The following ARID5B variants were observed in gnomAD, a reference collection of about 807,000 sequenced individuals.
The protein encoded by ARID5B is AT-rich interaction domain 5B.
In ARID5B, 13 loss-of-function variants were observed where a neutral mutation model predicts 97.2. That is an observed-to-expected ratio of 0.13 (90% CI 0.09 to 0.21). The LOEUF (loss-of-function observed/expected upper bound fraction) is 0.21, where lower values mean the gene tolerates loss of function less well. Among genes scored for constraint, ARID5B ranks in the 10% least tolerant of loss-of-function variants. ARID5B has a pLI of 1.00. For missense variants in ARID5B, 1,210 were observed against 1,465.3 expected, an observed-to-expected ratio of 0.83 and a Z score of 2.84; for synonymous variants, 556 against 570.3, an observed-to-expected ratio of 0.97 and a Z score of 0.36.
chr10:62,080,117 C>A (rs1352371306), intron 8 of ARID5B, among the ~76,000 whole-genome samples: 1 of 152,190 alleles, frequency 6.6e-6, no homozygotes, highest in African/African-American at 2.4e-5. Flanking sequence ...GCTCGTTCTT[C>A]ATGTCAGCGT....
chr10:62,057,734 A>T (rs1387497969), intron 6 of ARID5B, among the ~76,000 whole-genome samples: 1 of 152,244 alleles, frequency 6.6e-6, no homozygotes, highest in Admixed American at 6.5e-5. Context: ...CCACAAAGGG[A>T]AAACACATTT....
In ARID5B at chr10:61,940,247, A is replaced by G. The variant is rs765121514; in HGVS notation, c.341A>G (p.His114Arg). The G allele has an allele frequency of 1.4e-5, 23 of 1,614,100 alleles. No individual in the cohort carries two copies. The South Asian group carries it at 2.2e-4, about 15-fold the overall frequency. Residue 114 changes from histidine to arginine, a missense_variant, in exon 3 of 10, where the codon CAT becomes CGT. His to Arg is a conservative substitution (Grantham distance 29). Transcript: ENST00000279873. The stretch of plus-strand genomic sequence containing the variant: ...CTTGAAGACCTGGTCAAGTGGGTAC[A>G]TTCTGATTTCTCCAAGTGGAGATGT... ...VKLEDLVKWVHSDFSKWRCGF... is the reference protein window; with the variant it reads ...VKLEDLVKWVRSDFSKWRCGF...
chr10:61,937,882 G>C (rs973963311), intron 2 of ARID5B, among the ~76,000 whole-genome samples: 1 of 152,088 alleles, frequency 6.6e-6, no homozygotes, highest in Admixed American at 6.6e-5. Flanking sequence ...TGGTGGGAGG[G>C]GGGTGTTGGC....
chr10:62,056,349 A>T (rs781572707), intron 5 of ARID5B, among the ~76,000 whole-genome samples: 2 of 152,182 alleles, frequency 1.3e-5, no homozygotes, highest in Non-Finnish European at 2.9e-5. Context: ...GAGCTGACTG[A>T]TAAAGCAAGA....
At chr10:61,901,982 T>G (rs1008789882) in intron 1 of ARID5B, among the ~76,000 whole-genome samples, 177 bp from the exon 2 acceptor site, 10 of 151,392 alleles carry the variant, frequency 6.6e-5, no homozygotes, top group Non-Finnish European at 1.5e-4. Context: ...AGTTTTTTTT[T>G]TTTTTTTTTT....
At chr10:62,030,933 C>T (rs1490368766) in intron 4 of ARID5B, among the ~76,000 whole-genome samples, 1 of 152,182 alleles carries the variant, frequency 6.6e-6, no homozygotes, top group Non-Finnish European at 1.5e-5. Context: ...GGCTATGCAT[C>T]TTTAAGAGTA....
chr10:61,968,893 T>G (rs1477709797), intron 3 of ARID5B, among the ~76,000 whole-genome samples: 1 of 152,226 alleles, frequency 6.6e-6, no homozygotes, highest in Non-Finnish European at 1.5e-5. Flanking sequence ...AGGCTCCATA[T>G]GGTTTCTAAA....
chr10:62,012,619 G>T (rs1839232632), intron 4 of ARID5B, among the ~76,000 whole-genome samples: 1 of 152,172 alleles, frequency 6.6e-6, no homozygotes. Context: ...GGTCTGTCTG[G>T]CTTCAAAGCT....
chr10:61,952,843 GGTGTGTGTGTGTGT>G (rs59658634), intron 3 of ARID5B, among the ~76,000 whole-genome samples: 7 of 147,776 alleles, frequency 4.7e-5, no homozygotes, highest in Non-Finnish European at 1.1e-4. Flanking sequence ...TGGTGTTATA[GGTGTGTGTGTGTGT>G]GTGTGTGTGT....
chr10:61,912,847 G>T (rs1018566450), intron 2 of ARID5B, among the ~76,000 whole-genome samples: 4 of 151,960 alleles, frequency 2.6e-5, no homozygotes, highest in African/African-American at 9.7e-5. Flanking sequence ...CACTAAGCTT[G>T]CCCTAAGCTC....
intron 7 of ARID5B, among the ~76,000 whole-genome samples, chr10:62,064,786 G>C: frequency 6.6e-6 from 1 of 151,860 alleles, no homozygotes; most frequent in Non-Finnish European, 1.5e-5. Flanking sequence ...GTTTTGTTTT[G>C]TTTGAGGCGG....
At chr10:61,962,930 G>A (rs937035659) in intron 3 of ARID5B, among the ~76,000 whole-genome samples, 4 of 152,224 alleles carry the variant, frequency 2.6e-5, no homozygotes, top group Admixed American at 2.6e-4. Context: ...AGAAACTGCA[G>A]TGGTTTTTAA....
At chr10:61,985,311 C>A (rs1838832231) in intron 3 of ARID5B, among the ~76,000 whole-genome samples, 1 of 151,638 alleles carries the variant, frequency 6.6e-6, no homozygotes, top group Non-Finnish European at 1.5e-5. Context: ...GTTCACATGC[C>A]CACCACCTTT....
At chr10:61,935,973 A>G (rs1844292994) in intron 2 of ARID5B, among the ~76,000 whole-genome samples, 1 of 152,116 alleles carries the variant, frequency 6.6e-6, no homozygotes, top group African/African-American at 2.4e-5. Context: ...CTATATATAC[A>G]CTTGAAAGAG....
At chr10:62,077,527 C>G (rs1840154094) in intron 8 of ARID5B, among the ~76,000 whole-genome samples, 1 of 133,208 alleles carries the variant, frequency 7.5e-6, no homozygotes, top group South Asian at 2.5e-4. Flanking sequence ...GTTTGACCCC[C>G]CCCAAAAAAA....
chr10:62,089,324 T>A (rs1314463553), intron 9 of ARID5B, among the ~76,000 whole-genome samples: 1 of 152,068 alleles, frequency 6.6e-6, no homozygotes, highest in Non-Finnish European at 1.5e-5. Context: ...ATTCAGGGTT[T>A]TTTTTTTAAA....
intron 4 of ARID5B, among the ~76,000 whole-genome samples, chr10:62,001,628 G>C (rs1204143391): frequency 6.6e-6 from 1 of 152,160 alleles, no homozygotes; most frequent in African/African-American, 2.4e-5. Context: ...CAGAGTTGGG[G>C]TGAGGATGAG....
chr10:61,902,703 A>ATG (rs3834903), intron 2 of ARID5B, among the ~76,000 whole-genome samples: 97 of 113,474 alleles, frequency 8.5e-4, no homozygotes, highest in African/African-American at 2.4e-3. Flanking sequence ...GTGTGTGTGT[A>ATG]TGTGTGTGTG....
rs1330123438 is a variant in ARID5B at position 61,902,153 on chromosome 10, C to T, written c.22-6C>T. On this transcript the variant is annotated splice_region_variant and splice_polypyrimidine_tract_variant and intron_variant, in intron 1 of 9. Coordinates refer to ENST00000279873, the MANE Select transcript of ARID5B (RefSeq NM_032199.3). ...ATTTATTTGGTGTTTTTTTCCCCCC[C>T]TGCAGTGGGTCGGCTCACCGTGTGG... The T allele has an allele frequency of 2.5e-6, 4 of 1,611,286 alleles. No individual in the cohort carries two copies. Among genetic ancestry groups the T allele is most frequent in the Non-Finnish European group, 3.4e-6 (4 of 1,179,498 alleles).
Sources: gnomAD v4.1 joint callset for allele counts (sites outside exome capture counted in the v4.1 genomes callset) on GRCh38, gnomAD v4.1.1 for gene constraint, MANE v1.5 for transcripts, NCBI Gene and HGNC (gene_info 2026-07-23, HGNC 2026-07-21) for gene names.